The following NBAS variants were observed in gnomAD, a reference collection of about 807,000 sequenced individuals.
The protein encoded by NBAS is NBAS subunit of NRZ tethering complex, also known as NAG/BC035112 fusion.
NBAS carries 219 observed loss-of-function variants against 302.5 expected under a neutral mutation model. The observed-to-expected ratio is 0.72, with a 90% CI of 0.65 to 0.81. The LOEUF (loss-of-function observed/expected upper bound fraction) is 0.81. NBAS is among the 30% of genes least tolerant of loss of function. The pLI, the probability that NBAS is intolerant of heterozygous loss-of-function variation, is 0.00. For synonymous variants in NBAS, 1,118 were observed against 1,021.6 expected, an observed-to-expected ratio of 1.09 and a Z score of -1.80; for missense variants, 2,932 against 2,841.6, an observed-to-expected ratio of 1.03 and a Z score of -0.72.
At chr2:14,829,737 C>T in the NBAS span, among the ~76,000 whole-genome samples, 12 of 152,212 alleles carry the variant, frequency 7.9e-5, no homozygotes, top group Admixed American at 2.0e-4. Flanking sequence ...GCACAACTCC[C>T]TCAGGGGCTC....
In NBAS at chr2:15,276,960, C is replaced by A; in HGVS notation, c.5280G>T (p.Gln1760His). 1.2e-6 allele frequency: 2 copies of A among 1,614,048 alleles called. No homozygotes were observed. Among genetic ancestry groups the A allele is most frequent in the South Asian group, 2.2e-5 (2 of 91,070 alleles). The change falls in exon 43 of 52, where the codon CAG becomes CAT. Residue 1760 changes from glutamine to histidine, a missense_variant. Coordinates refer to ENST00000281513, the MANE Select transcript of NBAS (RefSeq NM_015909.4). ...TIGGFDHERL[Q>H]YYFTLLENCG... is the part of the protein sequence containing the mutation. ...AGTTTTCCAGAAGAGTGAAATAATA[C>A]TGCAGCCTTTCGTGATCAAAGCCAC...
At chr2:15,358,394 G>GTA (rs934549796) in intron 32 of NBAS, among the ~76,000 whole-genome samples, 3 of 151,944 alleles carry the variant, frequency 2.0e-5, no homozygotes, top group Non-Finnish European at 4.4e-5. Flanking sequence ...GTGTGTGTGT[G>GTA]TATGTGTGTG....
the NBAS span, among the ~76,000 whole-genome samples, chr2:14,800,629 A>G: frequency 6.6e-6 from 1 of 152,196 alleles, no homozygotes; most frequent in Non-Finnish European, 1.5e-5. Context: ...TATGTCTTCA[A>G]TTTGTGACAC....
intron 44 of NBAS, among the ~76,000 whole-genome samples, chr2:15,270,101 T>C (rs527724730): frequency 1.5e-4 from 23 of 152,360 alleles, no homozygotes; most frequent in Admixed American, 1.5e-3. Flanking sequence ...TATAGTTGTT[T>C]TTCATTAAAT....
chr2:14,993,342 A>C, the NBAS span, among the ~76,000 whole-genome samples: 2 of 152,022 alleles, frequency 1.3e-5, no homozygotes, highest in Non-Finnish European at 2.9e-5. Flanking sequence ...TCCAAGACAA[A>C]TTGTTTCAGG....
chr2:15,014,695 T>C, the NBAS span, among the ~76,000 whole-genome samples: 1 of 151,796 alleles, frequency 6.6e-6, no homozygotes, highest in Non-Finnish European at 1.5e-5. Flanking sequence ...AAACTAGAAA[T>C]ATTTTAAATA....
intron 38 of NBAS, among the ~76,000 whole-genome samples, chr2:15,326,928 G>C (rs915365272): frequency 6.6e-6 from 1 of 152,080 alleles, no homozygotes; most frequent in Non-Finnish European, 1.5e-5. Flanking sequence ...TCAGCTTTTG[G>C]GGGGAATTAG....
At chr2:15,262,598 G>A (rs567050807) in intron 44 of NBAS, among the ~76,000 whole-genome samples, 29 of 152,188 alleles carry the variant, frequency 1.9e-4, no homozygotes, top group East Asian at 5.8e-4. Flanking sequence ...ACATTACCCC[G>A]CTACTATTAA....
chr2:15,261,071 AG>A (rs1668830340), intron 44 of NBAS, among the ~76,000 whole-genome samples: 1 of 152,228 alleles, frequency 6.6e-6, no homozygotes, highest in South Asian at 2.1e-4. Flanking sequence ...GGCTTGCAGG[AG>A]CCAGCAAACA....
chr2:15,198,197 G>T (rs1665707184), intron 48 of NBAS, among the ~76,000 whole-genome samples: 1 of 152,128 alleles, frequency 6.6e-6, no homozygotes, highest in South Asian at 2.1e-4. Flanking sequence ...GCAAATGAAT[G>T]CTCATTTATA....
At chr2:15,084,017 A>C in the NBAS span, among the ~76,000 whole-genome samples, 1 of 152,182 alleles carries the variant, frequency 6.6e-6, no homozygotes, top group African/African-American at 2.4e-5. Flanking sequence ...ATAGTACTGT[A>C]CTTGGGAAGC....
chr2:15,034,070 G>T, the NBAS span, among the ~76,000 whole-genome samples: 1 of 56,292 alleles, frequency 1.8e-5, no homozygotes, highest in East Asian at 2.6e-3. Context: ...GGAGGGGAAG[G>T]AGAGGAAGAA....
chr2:15,495,418 G>A (rs1238631227), intron 11 of NBAS, among the ~76,000 whole-genome samples: 1 of 151,934 alleles, frequency 6.6e-6, no homozygotes, highest in Admixed American at 6.6e-5. Context: ...CCACTATAAA[G>A]ATGCAATGAG....
chr2:15,231,720 T>G (rs1407417505), intron 47 of NBAS, among the ~76,000 whole-genome samples: 1 of 152,184 alleles, frequency 6.6e-6, no homozygotes, highest in Non-Finnish European at 1.5e-5. Flanking sequence ...AAAATAATTA[T>G]ATTACCAAAT....
chr2:15,029,153 C>T, the NBAS span, among the ~76,000 whole-genome samples: 2 of 152,182 alleles, frequency 1.3e-5, no homozygotes, highest in Non-Finnish European at 2.9e-5. Flanking sequence ...TTTCAGTCAG[C>T]TCCAAAGGGA....
the NBAS span, among the ~76,000 whole-genome samples, chr2:15,037,713 T>A: frequency 6.6e-6 from 1 of 152,216 alleles, no homozygotes; most frequent in Non-Finnish European, 1.5e-5. Context: ...ATATGCCTGA[T>A]AACACCTTTA....
At chr2:15,375,629 T>C (rs924582673) in intron 30 of NBAS, among the ~76,000 whole-genome samples, 3 of 152,206 alleles carry the variant, frequency 2.0e-5, no homozygotes, top group Non-Finnish European at 4.4e-5. Context: ...TCTATCAAAA[T>C]TGTAAATGTA....
At chr2:15,247,555 G>A (rs997158634) in intron 44 of NBAS, among the ~76,000 whole-genome samples, 1 of 151,666 alleles carries the variant, frequency 6.6e-6, no homozygotes, top group African/African-American at 2.4e-5. Flanking sequence ...AAAAAGCAGG[G>A]GTTGCAATCC....
chr2:15,321,598 A>T (rs1431339221), intron 38 of NBAS, among the ~76,000 whole-genome samples: 1 of 152,198 alleles, frequency 6.6e-6, no homozygotes, highest in Non-Finnish European at 1.5e-5. Flanking sequence ...ATATGAACAG[A>T]CACTTCTGAA....
Sources: gnomAD v4.1 joint callset for allele counts (sites outside exome capture counted in the v4.1 genomes callset) on GRCh38, gnomAD v4.1.1 for gene constraint, MANE v1.5 for transcripts, NCBI Gene and HGNC (gene_info 2026-07-23, HGNC 2026-07-21) for gene names.